Variants in CREBRF observed in about 807,000 individuals in gnomAD.
CREBRF encodes the protein UPF0474 protein C5orf41.
CREBRF carries 5 observed loss-of-function variants against 66.1 expected under a neutral mutation model. The observed-to-expected ratio is 0.08, with a 90% confidence interval of 0.04 to 0.16. CREBRF has a LOEUF of 0.16. CREBRF is among the 10% of genes least tolerant of loss of function. CREBRF has a pLI of 1.00. For missense variants in CREBRF, 531 were observed against 744.9 expected (o/e 0.71, Z 3.34); for synonymous variants, 229 against 264.4 (o/e 0.87, Z 1.30).
chr5:173,085,378 TC>T, intron 2 of CREBRF: 2 of 1,257,986 alleles, frequency 1.6e-6, no homozygotes, highest in Non-Finnish European at 2.3e-6. Context: ...TCCTGGAGGC[TC>T]CAGGGCAGCC....
intron 1 of CREBRF, among the ~76,000 whole-genome samples, chr5:173,073,097 A>G (rs887980691): frequency 6.6e-6 from 1 of 152,248 alleles, no homozygotes; most frequent in Admixed American, 6.5e-5. Flanking sequence ...ATCTCAGATG[A>G]TAGAGCTCAC....
At chr5:173,101,551 GTT>G (rs760914746) in intron 4 of CREBRF, among the ~76,000 whole-genome samples, 19 of 142,872 alleles carry the variant, frequency 1.3e-4, no homozygotes, top group Admixed American at 7.0e-4. Context: ...TCTTAGTGAA[GTT>G]TTTTTTTTTT....
rs1435281770 is a variant in CREBRF, at chr5:173,065,440, CTT to C, written c.-192+8964_-192+8965del. ...TTCTATGCTGTCAGGTCTCCAGTCT[CTT>C]TTCCCTGTAGCTCCCTGTACCTCTG... On this transcript the variant is annotated intron_variant, in intron 1 of 8. Coordinates refer to ENST00000296953, the MANE Select transcript of CREBRF (RefSeq NM_153607.3). 2.0e-5 allele frequency among the ~76,000 whole-genome samples: 3 copies of C among 152,242 alleles called. No individual in the cohort carries two copies. In the East Asian group the frequency reaches 5.8e-4, roughly 29 times the overall value.
At position 173,125,681 on chromosome 5, in the gene CREBRF, G is replaced by A. The variant is rs561142528; in HGVS notation, c.1804+2479G>A. On this transcript the variant is annotated intron_variant, in intron 8 of 8. Transcript: ENST00000296953. ...AGATCGAGATCATCCTGGCTAACAT[G>A]GTGAAACCCCGTCTCTACTAAAAAT... Among the ~76,000 whole-genome samples the A allele has an allele frequency of 1.1e-4, 17 of 150,870 alleles. No homozygotes were observed. In the East Asian group the frequency reaches 3.3e-3, roughly 29 times the overall value.
chr5:173,123,769 A>G (rs1759198696), intron 8 of CREBRF: 1 of 152,318 alleles, frequency 6.6e-6, no homozygotes, highest in African/African-American at 2.4e-5. Context: ...CCAGCGTTAT[A>G]TGACCCACGA....
In CREBRF at chr5:173,126,655, A is replaced by G. The variant is rs368708963; in HGVS notation, c.1804+3453A>G. On this transcript the variant is annotated intron_variant, in intron 8 of 8. Coordinates refer to ENST00000296953, the MANE Select transcript of CREBRF (RefSeq NM_153607.3). ...TGCTGTACTTGCCAGTGGGTAACCT[A>G]TTCGCTATATGGAAATTTTTTTTTG... Among the ~76,000 whole-genome samples the G allele has an allele frequency of 5.3e-5, 8 of 152,224 alleles. No homozygotes were observed. The East Asian group carries it at 1.5e-3, about 29-fold the overall frequency.
intron 7 of CREBRF, among the ~76,000 whole-genome samples, chr5:173,117,484 CT>C (rs1294438243): frequency 2.7e-5 from 4 of 150,142 alleles, no homozygotes; most frequent in Admixed American, 1.3e-4. Flanking sequence ...TTTTCCTTTC[CT>C]TTTCCTTTTT....
chr5:173,058,618 G>T (rs1401604789), intron 1 of CREBRF, among the ~76,000 whole-genome samples: 1 of 137,328 alleles, frequency 7.3e-6, no homozygotes, highest in Non-Finnish European at 1.6e-5. Flanking sequence ...GGAGTAGCTG[G>T]GACTACAGGC....
intron 4 of CREBRF, among the ~76,000 whole-genome samples, chr5:173,096,238 G>A (rs1758473435): frequency 1.3e-5 from 2 of 152,090 alleles, no homozygotes; most frequent in African/African-American, 4.8e-5. Flanking sequence ...CAAAGTGCTG[G>A]GATTACAGGC....
At position 173,112,413 on chromosome 5, in the gene CREBRF, C is replaced by G. The variant is rs573020662; in HGVS notation, c.1681+34C>G. 9 of 1,375,934 alleles carry G rather than the reference C, an allele frequency of 6.5e-6. No individual in the cohort carries two copies. The East Asian group carries it at 2.1e-4, about 33-fold the overall frequency. 85.2% of individuals were successfully genotyped at this position (1,375,934 alleles called of 1,614,324 possible). A position where few individuals can be genotyped will look rare whatever the true frequency, so the allele number is the denominator to read the frequency against. On this transcript the variant is annotated intron_variant, in intron 7 of 8. Transcript: ENST00000296953. ...AAAGTTTTAAGAAGTTGATTAACCA[C>G]CTATTGATTTGCTGACCACTCTCTC...
At chr5:173,101,228 TA>T (rs1415326548) in intron 4 of CREBRF, among the ~76,000 whole-genome samples, 4 of 81,662 alleles carry the variant, frequency 4.9e-5, no homozygotes, top group South Asian at 7.1e-4. Context: ...CTAATTTTTG[TA>T]TTTTTTTTGT....
At chr5:173,083,041 A>G (rs1478081855) in intron 2 of CREBRF, among the ~76,000 whole-genome samples, 1 of 151,026 alleles carries the variant, frequency 6.6e-6, no homozygotes, top group Non-Finnish European at 1.5e-5. Flanking sequence ...CCTGGCCAAC[A>G]TATAGTGAAA....
intron 4 of CREBRF, among the ~76,000 whole-genome samples, chr5:173,107,219 T>C (rs1435211853): frequency 1.3e-5 from 2 of 152,234 alleles, no homozygotes; most frequent in East Asian, 3.8e-4. Context: ...CACCTTCTTA[T>C]GTTTTCAGGA....
At chr5:173,066,189 T>C (rs910831720) in intron 1 of CREBRF, among the ~76,000 whole-genome samples, 1 of 152,230 alleles carries the variant, frequency 6.6e-6, no homozygotes, top group African/African-American at 2.4e-5. Context: ...CAAAATAAGC[T>C]GATTCCCTCT....
rs747129201 is a variant in CREBRF at position 173,082,466 on chromosome 5, C to A, written c.9+1682C>A. Among the ~76,000 whole-genome samples, 12 of 150,624 alleles carry A rather than the reference C, an allele frequency of 8.0e-5. No individual in the cohort carries two copies. In the Middle Eastern group the frequency reaches 0.017, roughly 213 times the overall value. ...GAAAAAAAAATAAGATGGGATGTAC[C>A]AATGAAGAAAAATACGATGAGAGGG... On this transcript the variant is annotated intron_variant, in intron 2 of 8. Coordinates refer to ENST00000296953, the MANE Select transcript of CREBRF (RefSeq NM_153607.3).
chr5:173,116,018 A>G (rs1758981652), intron 7 of CREBRF, among the ~76,000 whole-genome samples: 1 of 152,212 alleles, frequency 6.6e-6, no homozygotes, highest in Non-Finnish European at 1.5e-5. Context: ...TGGTTTTTAC[A>G]CCAGGCATTG....
intron 2 of CREBRF, among the ~76,000 whole-genome samples, chr5:173,085,064 T>A (rs547672288): frequency 6.6e-6 from 1 of 152,262 alleles, no homozygotes; most frequent in Admixed American, 6.5e-5. Flanking sequence ...TGCCTCAGCC[T>A]CCTGAATATA....
intron 1 of CREBRF, among the ~76,000 whole-genome samples, chr5:173,080,279 TC>T (rs1757901730): frequency 6.6e-6 from 1 of 151,532 alleles, no homozygotes; most frequent in Non-Finnish European, 1.5e-5. Flanking sequence ...ACTTTAAAAA[TC>T]AATATATTAC....
intron 1 of CREBRF, among the ~76,000 whole-genome samples, chr5:173,064,181 G>T (rs1007966716): frequency 3.3e-5 from 5 of 151,876 alleles, no homozygotes; most frequent in African/African-American, 1.2e-4. Flanking sequence ...TTCTTTTTTG[G>T]CTGCTGATGG....
Sources: allele counts gnomAD v4.1 joint callset (sites outside exome capture counted in the v4.1 genomes callset), GRCh38; gene constraint gnomAD v4.1.1; transcripts MANE v1.5; gene names NCBI Gene and HGNC (gene_info 2026-07-23, HGNC 2026-07-21).